Variants in XRRA1 observed in about 807,000 individuals in gnomAD.
XRRA1 encodes X-ray radiation resistance associated 1, also known as X-ray radiation resistance-associated protein 1.
In XRRA1, 69 loss-of-function variants were observed where a neutral mutation model predicts 80.2. That is an observed-to-expected ratio of 0.86 (90% CI 0.71 to 1.05). The LOEUF is 1.05. Among genes scored for constraint, XRRA1 ranks in the 50% least tolerant of loss-of-function variants. XRRA1 has a pLI of 0.00. For missense variants in XRRA1, 967 were observed against 976.4 expected (o/e 0.99, Z 0.13); for synonymous variants, 348 against 389.9 (o/e 0.89, Z 1.27).
chr11:74,859,224 C>CT lies in XRRA1; in HGVS notation c.1103dup (p.Ala369GlyfsTer17). The CT allele has an allele frequency of 6.2e-7, 1 of 1,610,208 alleles. No homozygotes were observed. The highest frequency in any genetic ancestry group is 8.5e-7 in the Non-Finnish European group (1 of 1,178,480). ...GTGGGGCCAGCGTCTGGTTCCTGGCCTTCAGTGACTTCACAGGAAGGATCT... is the reference window on the plus strand; with the variant it reads ...GTGGGGCCAGCGTCTGGTTCCTGGCCTTTCAGTGACTTCACAGGAAGGATCT... On this transcript the variant is annotated frameshift_variant, in exon 12 of 19. Coordinates refer to ENST00000684022, the MANE Select transcript of XRRA1 (RefSeq NM_001378157.1). LOFTEE classifies it high-confidence loss of function.
intron 12 of XRRA1, among the ~76,000 whole-genome samples, chr11:74,857,821 C>T (rs1191937031): frequency 6.6e-6 from 1 of 152,040 alleles, no homozygotes; most frequent in African/African-American, 2.4e-5. Flanking sequence ...AGAAGAGCCC[C>T]CATATATTTG....
chr11:74,849,224 T>C (rs973972888), intron 14 of XRRA1, among the ~76,000 whole-genome samples: 7 of 152,084 alleles, frequency 4.6e-5, no homozygotes, highest in African/African-American at 1.4e-4. Context: ...GAGATGTAAG[T>C]TGTGTAGTGG....
rs572904060 is a variant in XRRA1 at position 74,879,601 on chromosome 11, T to C, written c.1004-16580A>G. ...ATTCAGTATGATATTGGCTGTGGGTTTGTCATAGATAGCTCTTATTATTTT... is the reference window on the plus strand; with the variant it reads ...ATTCAGTATGATATTGGCTGTGGGTCTGTCATAGATAGCTCTTATTATTTT... On this transcript the variant is annotated intron_variant, in intron 10 of 18. Transcript: ENST00000684022. Among the ~76,000 whole-genome samples, 5 of 152,232 alleles carry C rather than the reference T, an allele frequency of 3.3e-5. No individual in the cohort carries two copies. The East Asian group carries it at 7.7e-4, about 23-fold the overall frequency.
At chr11:74,863,250 C>T (rs1267753014) in intron 10 of XRRA1, 5 of 553,648 alleles carry the variant, frequency 9.0e-6, no homozygotes, top group Non-Finnish European at 1.3e-5. Flanking sequence ...ATCTAGTCCT[C>T]TGATGTCCTG....
At chr11:74,866,282 C>T (rs1274726323) in intron 10 of XRRA1, among the ~76,000 whole-genome samples, 2 of 152,022 alleles carry the variant, frequency 1.3e-5, no homozygotes, top group Non-Finnish European at 2.9e-5. Flanking sequence ...GAGACAGGCT[C>T]TCATTCTGTC....
At chr11:74,864,593 G>A (rs146171299) in intron 10 of XRRA1, among the ~76,000 whole-genome samples, 3 of 152,276 alleles carry the variant, frequency 2.0e-5, no homozygotes, top group East Asian at 1.9e-4. Context: ...GGCTTCCAAG[G>A]TCCTGGGCTA....
At chr11:74,853,755 A>G (rs1329957398) in intron 12 of XRRA1, among the ~76,000 whole-genome samples, 1 of 152,256 alleles carries the variant, frequency 6.6e-6, no homozygotes, top group African/African-American at 2.4e-5. Context: ...GAAGTGTCCT[A>G]TACAAAGAGA....
At chr11:74,861,096 C>A (rs1403303840) in intron 11 of XRRA1, among the ~76,000 whole-genome samples, 1 of 152,172 alleles carries the variant, frequency 6.6e-6, no homozygotes, top group Non-Finnish European at 1.5e-5. Context: ...GTGAGCACAT[C>A]AATGTGCTGG....
intron 10 of XRRA1, among the ~76,000 whole-genome samples, chr11:74,882,381 C>G (rs1245007086): frequency 3.3e-5 from 5 of 151,136 alleles, no homozygotes; most frequent in African/African-American, 1.2e-4. Context: ...AAGCACTTCT[C>G]TGTATTGGTT....
In XRRA1 at chr11:74,851,175, G is replaced by A; in HGVS notation, c.1293C>T (p.Leu431=). 6.2e-7 allele frequency: 1 copy of A among 1,612,862 alleles called. No individual in the cohort carries two copies. Among genetic ancestry groups the A allele is most frequent in the Non-Finnish European group, 8.5e-7 (1 of 1,179,326 alleles). ...RGVPPLLKSF[L]QERLGIHLIR... is the part of the protein sequence containing the mutation. ...TTAAGTGGATTCCCAGTCGCTCCTG[G>A]AGGAAGCTCTTCAGCAGTGGAGGGA... Residue 431 remains leucine (L), a synonymous_variant, in exon 14 of 19, where the codon CTC becomes CTT. Transcript: ENST00000684022.
Position 74,947,031 on chromosome 11 carries a change from G to C in XRRA1, c.-73+1897C>G, listed in dbSNP as rs1947713361. Among the ~76,000 whole-genome samples the C allele has an allele frequency of 2.0e-5, 3 of 152,122 alleles. No individual in the cohort carries two copies. The South Asian group carries it at 6.2e-4, about 32-fold the overall frequency. On this transcript the variant is annotated intron_variant, in intron 1 of 18. Coordinates refer to ENST00000684022, the MANE Select transcript of XRRA1 (RefSeq NM_001378157.1). ...CTCCCAAAGTGCTGGGATTACAGGC[G>C]TGAGCCTGTACTTATCTCTTTATCC...
At chr11:74,847,285 C>T (rs1391335410) in intron 15 of XRRA1, among the ~76,000 whole-genome samples, 2 of 152,106 alleles carry the variant, frequency 1.3e-5, no homozygotes, top group East Asian at 3.8e-4. Flanking sequence ...GATGTACATC[C>T]TGGAAAGATC....
At chr11:74,935,739 C>T (rs1303665168) in intron 4 of XRRA1, among the ~76,000 whole-genome samples, 1 of 152,188 alleles carries the variant, frequency 6.6e-6, no homozygotes, top group Admixed American at 6.5e-5. Flanking sequence ...GTCAATGAAA[C>T]ATTCAAGTGG....
chr11:74,908,043 T>C (rs1488931543), intron 8 of XRRA1, among the ~76,000 whole-genome samples: 1 of 152,084 alleles, frequency 6.6e-6, no homozygotes, highest in East Asian at 1.9e-4. Flanking sequence ...ACGTTTTCAT[T>C]CTTCCCTCCA....
At chr11:74,921,162 T>G (rs1940641453) in intron 8 of XRRA1, 52 bp downstream of exon 8, 2 of 1,598,932 alleles carry the variant, frequency 1.3e-6, no homozygotes, top group Non-Finnish European at 1.7e-6. Context: ...GGCTATTTCC[T>G]TGGATATTTG....
intron 10 of XRRA1, among the ~76,000 whole-genome samples, chr11:74,887,599 G>C (rs544751219): frequency 6.6e-6 from 1 of 152,176 alleles, no homozygotes; most frequent in Non-Finnish European, 1.5e-5. Flanking sequence ...GCAGCGCACC[G>C]AGTGTGAGCC....
chr11:74,873,936 A>C (rs1480443686), intron 10 of XRRA1, among the ~76,000 whole-genome samples: 1 of 151,744 alleles, frequency 6.6e-6, no homozygotes, highest in Non-Finnish European at 1.5e-5. Context: ...CCCCTATATC[A>C]CCTCATAAAA....
rs2048608244 is a variant in XRRA1 at position 74,884,734 on chromosome 11, A to C, written c.1003+21505T>G. 1.3e-5 allele frequency among the ~76,000 whole-genome samples: 2 copies of C among 152,194 alleles called. 1 individual carries two copies. Among genetic ancestry groups the C allele is most frequent in the South Asian group, 4.1e-4 (2 of 4,834 alleles). On this transcript the variant is annotated intron_variant, in intron 10 of 18. Transcript: ENST00000684022. ...ATGAACCTTAGGTATCACCCTAGAC[A>C]ACAGGGCTGCTTCAATACCAGAATC...
At chr11:74,865,784 A>C (rs1379997888) in intron 10 of XRRA1, among the ~76,000 whole-genome samples, 1 of 152,242 alleles carries the variant, frequency 6.6e-6, no homozygotes, top group Non-Finnish European at 1.5e-5. Context: ...TATCTGGGCC[A>C]CTGGGACAGT....
Sources: allele counts gnomAD v4.1 joint callset (sites outside exome capture counted in the v4.1 genomes callset), GRCh38; gene constraint gnomAD v4.1.1; transcripts MANE v1.5; gene names NCBI Gene and HGNC (gene_info 2026-07-23, HGNC 2026-07-21).